FER: variants seen among roughly 807,000 people sequenced by gnomAD.
FER encodes the protein FER tyrosine kinase.
A neutral mutation model predicts 111.0 loss-of-function variants in FER; 63 were observed. That is an observed-to-expected ratio of 0.57 (90% CI 0.46 to 0.70). The LOEUF is 0.70. FER is among the 30% of genes least tolerant of loss of function. The probability of loss-of-function intolerance (pLI) is 0.00; values close to 1 mark genes in which losing one functional copy is unlikely to be tolerated. For synonymous variants in FER, 327 were observed against 313.9 expected (o/e 1.04, Z -0.44); for missense variants, 914 against 954.0 (o/e 0.96, Z 0.55).
intron 11 of FER, among the ~76,000 whole-genome samples, chr5:108,951,284 A>G (rs1162878905): frequency 4.6e-5 from 7 of 151,960 alleles, no homozygotes; most frequent in African/African-American, 1.5e-4. Flanking sequence ...AAATAAAAAT[A>G]AATTTCTAGA....
chr5:109,164,458 T>A (rs1488224171), intron 17 of FER, among the ~76,000 whole-genome samples: 1 of 152,202 alleles, frequency 6.6e-6, no homozygotes, highest in African/African-American at 2.4e-5. Flanking sequence ...CCTACTCCAT[T>A]TGTGCTGATA....
At chr5:108,847,740 C>T (rs1762159403) in intron 5 of FER, among the ~76,000 whole-genome samples, 1 of 152,070 alleles carries the variant, frequency 6.6e-6, no homozygotes, top group Admixed American at 6.5e-5. Context: ...GACCTGACTA[C>T]TTTATTATTA....
intron 12 of FER, among the ~76,000 whole-genome samples, chr5:108,955,748 C>A (rs1758342173): frequency 1.3e-5 from 2 of 151,786 alleles, no homozygotes; most frequent in South Asian, 4.1e-4. Flanking sequence ...TAGGGTGATA[C>A]TAATTGCCTT....
chr5:108,755,087 G>A (rs146962037), intron 1 of FER, among the ~76,000 whole-genome samples: 1,829 of 152,232 alleles, frequency 0.012, 37 homozygotes, highest in African/African-American at 0.042. Context: ...CGTACAATCC[G>A]GTAAGGAGGA....
rs556513896 is a variant in FER at position 108,908,464 on chromosome 5, A to G, written c.1236+10616A>G. On this transcript the variant is annotated intron_variant, in intron 10 of 19. Coordinates refer to ENST00000281092, the MANE Select transcript of FER (RefSeq NM_005246.4). ...AATCAATCAAAAGTAATTACTTGGC[A>G]TATAAACCATCACATAACATGTTCA... Among the ~76,000 whole-genome samples, 14 of 152,334 alleles carry G rather than the reference A, an allele frequency of 9.2e-5. No individual in the cohort carries two copies. In the East Asian group the frequency reaches 2.1e-3, roughly 23 times the overall value.
chr5:109,157,355 TGGG>T lies in FER; in HGVS notation c.2049-23389_2049-23387del, dbSNP rs140117794. ...TGCAATTTACTGCTGTGATCAGTAA[TGGG>T]GGAGGCTGTAAAATTTCCACTGTTC... is the stretch of plus-strand genomic sequence containing the variant. On this transcript the variant is annotated intron_variant, in intron 17 of 19. Transcript: ENST00000281092. Among the ~76,000 whole-genome samples the T allele has an allele frequency of 9.7e-3, 1,480 of 152,232 alleles. 73 individuals carry two copies. Among genetic ancestry groups the T allele is most frequent in the Admixed American group, 0.076 (1,156 of 15,266 alleles).
At chr5:108,855,796 T>A (rs1762952388) in intron 5 of FER, among the ~76,000 whole-genome samples, 1 of 152,022 alleles carries the variant, frequency 6.6e-6, no homozygotes, top group Non-Finnish European at 1.5e-5. Flanking sequence ...CAAGAGAAGT[T>A]TCAGTGGAGT....
At chr5:108,928,926 G>C (rs1465068854) in intron 10 of FER, among the ~76,000 whole-genome samples, 1 of 151,944 alleles carries the variant, frequency 6.6e-6, no homozygotes, top group Non-Finnish European at 1.5e-5. Flanking sequence ...ATAAGCCTTG[G>C]AGTCTTTATA....
intron 3 of FER, among the ~76,000 whole-genome samples, chr5:108,804,560 A>G (rs1580633794): frequency 6.6e-6 from 1 of 152,190 alleles, no homozygotes; most frequent in East Asian, 1.9e-4. Context: ...GATTTTATCA[A>G]ACGCTTCAAT....
chr5:108,867,689 A>G, intron 5 of FER, 78 bp from the exon 6 acceptor site: 1 of 1,330,272 alleles, frequency 7.5e-7, no homozygotes, highest in Non-Finnish European at 1.0e-6. Context: ...AACAGTAGTA[A>G]TTCAGTTTGT....
At position 109,052,500 on chromosome 5, in the gene FER, C is replaced by T. The variant is rs976565623; in HGVS notation, c.1924+5302C>T. On this transcript the variant is annotated intron_variant, in intron 16 of 19. Transcript: ENST00000281092. ...CTTTTGCTTAAAAGAAGTGAAGTCACGCCAGGTGATTGAACTCCTTGGAGG... is the reference window on the plus strand; with the variant it reads ...CTTTTGCTTAAAAGAAGTGAAGTCATGCCAGGTGATTGAACTCCTTGGAGG... 59 of 879,154 alleles carry T rather than the reference C, an allele frequency of 6.7e-5. No individual in the cohort carries two copies. In the Middle Eastern group the frequency reaches 7.6e-4, roughly 11 times the overall value. 54.5% of individuals were successfully genotyped at this position (879,154 alleles called of 1,614,324 possible).
chr5:108,861,383 A>ATATGT lies in FER; in HGVS notation c.482-6382_482-6378dup, dbSNP rs575520623. On this transcript the variant is annotated intron_variant, in intron 5 of 19. Transcript: ENST00000281092. ...GCTTCATAATATTGTTGATGGCATG[A>ATATGT]TATGTTGTTTATGCATTCTGTTATT... 2.1e-4 allele frequency among the ~76,000 whole-genome samples: 32 copies of ATATGT among 152,282 alleles called. No homozygotes were observed. The South Asian group carries it at 5.4e-3, about 26-fold the overall frequency.
intron 2 of FER, among the ~76,000 whole-genome samples, chr5:108,770,400 C>T (rs529249085): frequency 6.6e-6 from 1 of 152,116 alleles, no homozygotes; most frequent in Non-Finnish European, 1.5e-5. Context: ...AGATTTTTGG[C>T]CAGTCCGAAA....
At chr5:109,093,319 T>G (rs1747060516) in intron 16 of FER, among the ~76,000 whole-genome samples, 1 of 152,212 alleles carries the variant, frequency 6.6e-6, no homozygotes. Flanking sequence ...CTTGTTTTAA[T>G]ACAGACATTC....
chr5:108,971,934 A>G (rs375431397), intron 13 of FER, among the ~76,000 whole-genome samples: 23 of 152,216 alleles, frequency 1.5e-4, no homozygotes, highest in African/African-American at 5.3e-4. Flanking sequence ...AAACATTAAG[A>G]TGTAATGAAT....
At chr5:109,163,346 A>T (rs1215585396) in intron 17 of FER, among the ~76,000 whole-genome samples, 1 of 152,116 alleles carries the variant, frequency 6.6e-6, no homozygotes, top group African/African-American at 2.4e-5. Context: ...AGCTGCTCTG[A>T]ATAGTCATAT....
chr5:108,945,114 A>G (rs993813065), intron 10 of FER, among the ~76,000 whole-genome samples: 22 of 152,266 alleles, frequency 1.4e-4, no homozygotes, highest in African/African-American at 5.1e-4. Context: ...TTGGAGACAA[A>G]AGAAACAAAA....
At chr5:108,965,218 A>G in intron 13 of FER, among the ~76,000 whole-genome samples, 1 of 152,076 alleles carries the variant, frequency 6.6e-6, no homozygotes, top group Admixed American at 6.5e-5. Flanking sequence ...TCGGTCTTGG[A>G]TTTGAGCACA....
At chr5:108,977,774 C>T (rs1349027514) in intron 13 of FER, among the ~76,000 whole-genome samples, 3 of 152,184 alleles carry the variant, frequency 2.0e-5, no homozygotes, top group Admixed American at 6.5e-5. Context: ...TGCTCTATTT[C>T]CTTGCTGCGG....
Sources: allele counts gnomAD v4.1 joint callset (sites outside exome capture counted in the v4.1 genomes callset), GRCh38; gene constraint gnomAD v4.1.1; transcripts MANE v1.5; gene names NCBI Gene and HGNC (gene_info 2026-07-23, HGNC 2026-07-21).